P2RX7: variants seen among roughly 807,000 people sequenced by gnomAD.
The protein encoded by P2RX7 is P2X purinoceptor 7.
A neutral mutation model predicts 71.6 loss-of-function variants in P2RX7; 62 were observed. The observed-to-expected ratio is 0.87, with a 90% CI of 0.71 to 1.07. The LOEUF is 1.07. Among genes scored for constraint, P2RX7 ranks in the 50% least tolerant of loss-of-function variants. The pLI is 0.00. For synonymous variants in P2RX7, 299 were observed against 283.3 expected, an observed-to-expected ratio of 1.06 and a Z score of -0.56; for missense variants, 686 against 748.5, an observed-to-expected ratio of 0.92 and a Z score of 0.97.
intron 1 of P2RX7, among the ~76,000 whole-genome samples, chr12:121,147,919 G>A (rs953030079): frequency 2.0e-5 from 3 of 151,542 alleles, no homozygotes; most frequent in Non-Finnish European, 1.5e-5. Flanking sequence ...AGCCAAAATG[G>A]GCCGTTTCAT....
At chr12:121,160,803 A>G (rs1004235798) in intron 3 of P2RX7, 99 bp from the exon 4 acceptor site, 98 of 1,014,186 alleles carry the variant, frequency 9.7e-5, no homozygotes, top group Non-Finnish European at 1.5e-4. Flanking sequence ...GTGCTGCTAT[A>G]AGCATTCGTG....
rs1453727947 is a variant in P2RX7, at chr12:121,154,954, G to A, written c.294+1G>A. On this transcript the variant is annotated splice_donor_variant, in intron 2 of 12. Coordinates refer to ENST00000328963, the MANE Select transcript of P2RX7 (RefSeq NM_002562.6). LOFTEE classifies it high-confidence loss of function. The surrounding 1 kb of genome is among the most constrained non-coding windows in gnomAD (Gnocchi z 4.2). ...CGCAGACTACACCTTCCCTTTGCAG[G>A]TGAGCACCTCGTAGCATTCTCCCAG... is the stretch of plus-strand genomic sequence containing the variant. 6.2e-7 allele frequency: 1 copy of A among 1,614,102 alleles called. No individual in the cohort carries two copies. The highest frequency in any genetic ancestry group is 1.1e-5 in the South Asian group (1 of 91,074).
In P2RX7 at chr12:121,163,597, G is replaced by GTAGA. The variant is rs3078807; in HGVS notation, c.533+1126_533+1129dup. Among the ~76,000 whole-genome samples, 1,037 of 130,244 alleles carry GTAGA rather than the reference G, an allele frequency of 8.0e-3. 3 individuals are homozygous for GTAGA. The highest frequency in any genetic ancestry group is 0.016 in the East Asian group (61 of 3,738). 85.4% of individuals were successfully genotyped at this position (130,244 alleles called of 152,430 possible). On this transcript the variant is annotated intron_variant, in intron 5 of 12. Transcript: ENST00000328963. ...AAATAGATAATAGATAGATAGACAG[G>GTAGA]TAGATAGATAGATAGATAGATAGAT...
chr12:121,145,521 T>A (rs1217411382), intron 1 of P2RX7, among the ~76,000 whole-genome samples: 1 of 151,630 alleles, frequency 6.6e-6, no homozygotes, highest in Non-Finnish European at 1.5e-5. Flanking sequence ...TTTTTTTTTT[T>A]TTTGAGATGC....
At chr12:121,133,153 C>A in intron 1 of P2RX7, 58 bp downstream of exon 1, 1 of 1,599,190 alleles carries the variant, frequency 6.3e-7, no homozygotes, top group Middle Eastern at 1.7e-4. Context: ...ACAGAAAGCC[C>A]CAGCGGGCAG....
intron 2 of P2RX7, chr12:121,155,308 G>C: frequency 2.3e-6 from 3 of 1,311,496 alleles, no homozygotes; most frequent in Non-Finnish European, 3.0e-6. Flanking sequence ...TTCTACCAAA[G>C]AGCACCAGCC....
chr12:121,143,898 A>G (rs969463956), intron 1 of P2RX7, among the ~76,000 whole-genome samples: 2 of 152,192 alleles, frequency 1.3e-5, no homozygotes, highest in African/African-American at 4.8e-5. Context: ...TATAACTTAC[A>G]TATCAGAAAA....
At position 121,170,224 on chromosome 12, in the gene P2RX7, A is replaced by G. The variant is rs186224346; in HGVS notation, c.881+2600A>G. Among the ~76,000 whole-genome samples the G allele has an allele frequency of 1.2e-4, 18 of 152,328 alleles. No individual in the cohort carries two copies. In the East Asian group the frequency reaches 3.3e-3, roughly 28 times the overall value. On this transcript the variant is annotated intron_variant, in intron 8 of 12. Coordinates refer to ENST00000328963, the MANE Select transcript of P2RX7 (RefSeq NM_002562.6). ...CTTATGGCCATTAAGAAGAGAGGAC[A>G]GGATGAATGGTCCCCTGACTGACTG... is the stretch of plus-strand genomic sequence containing the variant.
intron 1 of P2RX7, among the ~76,000 whole-genome samples, chr12:121,146,364 C>T (rs1022160761): frequency 2.1e-5 from 3 of 140,880 alleles, no homozygotes; most frequent in African/African-American, 8.1e-5. Flanking sequence ...ACAATCTCAG[C>T]TCACTGCAAC....
rs1256188522 is a variant in P2RX7 at position 121,177,317 on chromosome 12, C to T, written c.1059C>T (p.Phe353=). 23 of 1,613,972 alleles carry T rather than the reference C, an allele frequency of 1.4e-5. No homozygotes were observed. The highest frequency in any genetic ancestry group is 1.7e-5 in the Non-Finnish European group (20 of 1,180,024). Residue 353 remains phenylalanine, a synonymous_variant, in exon 11 of 13, where the codon TTC becomes TTT. Transcript: ENST00000328963. ...CCCAGGCCGCTGTGTTCATCGACTT[C>T]CTCATCGACACTTACTCCAGTAACT... ...YFGLAAVFID[F]LIDTYSSNCC...
chr12:121,177,687 CATTT>C (rs140201550), intron 11 of P2RX7, among the ~76,000 whole-genome samples: 44,346 of 142,180 alleles, frequency 0.31, 7,272 homozygotes, highest in Non-Finnish European at 0.36. Context: ...CCAATTTTGT[CATTT>C]ATTTATTTAT....
chr12:121,169,706 G>C (rs540328701), intron 8 of P2RX7, among the ~76,000 whole-genome samples: 21 of 152,292 alleles, frequency 1.4e-4, no homozygotes, highest in African/African-American at 5.1e-4. Flanking sequence ...GGGGGTTTGA[G>C]GCTAGCCTGG....
At chr12:121,172,893 C>T (rs143420074) in intron 8 of P2RX7, among the ~76,000 whole-genome samples, 3 of 152,064 alleles carry the variant, frequency 2.0e-5, no homozygotes, top group African/African-American at 7.2e-5. Flanking sequence ...TGTAACTAGA[C>T]GGTGAATTAA....
Position 121,177,355 on chromosome 12 carries a change from A to AT in P2RX7, c.1098dup (p.Ile367TyrfsTer40). On this transcript the variant is annotated frameshift_variant, in exon 11 of 13. Transcript: ENST00000328963. LOFTEE classifies it high-confidence loss of function. Reference sequence around the variant, plus strand: ...TACTCCAGTAACTGCTGTCGCTCCCATATTTATCCCTGGTGCAAGTGCTGT... The same window carrying AT: ...TACTCCAGTAACTGCTGTCGCTCCCATTATTTATCCCTGGTGCAAGTGCTGT... The AT allele has an allele frequency of 6.2e-7, 1 of 1,614,044 alleles. No homozygotes were observed. Among genetic ancestry groups the AT allele is most frequent in the Non-Finnish European group, 8.5e-7 (1 of 1,180,018 alleles).
intron 1 of P2RX7, among the ~76,000 whole-genome samples, chr12:121,144,415 C>T (rs893943565): frequency 6.6e-6 from 1 of 152,194 alleles, no homozygotes; most frequent in South Asian, 2.1e-4. Context: ...CCAAGCTGGT[C>T]TTGAACTCCT....
intron 6 of P2RX7, 116 bp downstream of exon 6, chr12:121,165,553 CA>C (rs1282712098): frequency 1.2e-6 from 1 of 823,080 alleles, no homozygotes; most frequent in Non-Finnish European, 2.0e-6. Context: ...TTCTGTGGGT[CA>C]GGAATCTGGG....
rs539063013 is a variant in P2RX7, at chr12:121,148,286, C to T, written c.126-6499C>T. Among the ~76,000 whole-genome samples the T allele has an allele frequency of 2.6e-5, 4 of 151,746 alleles. No individual in the cohort carries two copies. The South Asian group carries it at 8.3e-4, about 32-fold the overall frequency. On this transcript the variant is annotated intron_variant, in intron 1 of 12. Transcript: ENST00000328963. The stretch of plus-strand genomic sequence containing the variant: ...CTGGAGTGCAATGGCATGATCTTGG[C>T]TCACTGCAACCTCCGCCTCCCAGGT...
chr12:121,156,345 C>CAGAT (rs1240570755), intron 3 of P2RX7, among the ~76,000 whole-genome samples, 198 bp downstream of exon 3: 2 of 152,176 alleles, frequency 1.3e-5, no homozygotes. Flanking sequence ...CCATGGCCAC[C>CAGAT]AGATCTTTGT....
At position 121,184,771 on chromosome 12, in the gene P2RX7, G is replaced by A; in HGVS notation, c.1757G>A (p.Gly586Glu). The A allele has an allele frequency of 1.3e-6, 2 of 1,551,660 alleles. No individual in the cohort carries two copies. Among genetic ancestry groups the A allele is most frequent in the Non-Finnish European group, 1.7e-6 (2 of 1,147,230 alleles). Residue 586 changes from glycine to glutamate, a missense_variant, in exon 13 of 13, where the codon GGG becomes GAG. Physicochemically the swap from Gly to Glu is moderately conservative, Grantham distance 98. Coordinates refer to ENST00000328963, the MANE Select transcript of P2RX7 (RefSeq NM_002562.6). ...CGGAAAGAGTTTCCGAAGAGTGAAG[G>A]GCAGTACAGTGGCTTCAAGAGTCCT... The part of the protein sequence containing the change: ...RIRKEFPKSE[G>E]QYSGFKSPY
Sources: gnomAD v4.1 joint callset for allele counts (sites outside exome capture counted in the v4.1 genomes callset) on GRCh38, gnomAD v4.1.1 for gene constraint, Gnocchi (gnomAD v3.1) non-coding constraint, MANE v1.5 for transcripts, NCBI Gene and HGNC (gene_info 2026-07-23, HGNC 2026-07-21) for gene names.